KCNMB2: variants seen among roughly 807,000 people sequenced by gnomAD.
The protein encoded by KCNMB2 is calcium-activated potassium channel subunit beta-2.
Under a neutral mutation model 24.5 loss-of-function variants are expected in KCNMB2, and 9 were observed. The ratio of observed to expected loss-of-function variants is 0.37; its 90% confidence interval spans 0.22 to 0.64. The LOEUF (loss-of-function observed/expected upper bound fraction) is 0.64, where lower values mean the gene tolerates loss of function less well. Ranked by LOEUF, KCNMB2 falls within the 30% of genes least tolerant of loss-of-function variation. The pLI, the probability that KCNMB2 is intolerant of heterozygous loss-of-function variation, is 0.63. For missense variants in KCNMB2, 226 were observed against 284.3 expected, an observed-to-expected ratio of 0.79 and a Z score of 1.47; for synonymous variants, 109 against 104.4, an observed-to-expected ratio of 1.04 and a Z score of -0.27.
intron 1 of KCNMB2, among the ~76,000 whole-genome samples, chr3:178,574,957 A>G (rs1321694409): frequency 6.6e-6 from 1 of 152,026 alleles, no homozygotes; most frequent in Non-Finnish European, 1.5e-5. Context: ...AATCCCAGCT[A>G]CTCGGGAGGC....
chr3:178,543,925 G>C (rs183141992), intron 1 of KCNMB2, among the ~76,000 whole-genome samples: 18 of 151,952 alleles, frequency 1.2e-4, no homozygotes, highest in African/African-American at 4.3e-4. Flanking sequence ...ATTCTACCAC[G>C]GTCCTTAATA....
chr3:178,799,234 C>A (rs931083771), intron 1 of KCNMB2, among the ~76,000 whole-genome samples: 8 of 152,072 alleles, frequency 5.3e-5, no homozygotes, highest in Admixed American at 4.6e-4. Context: ...AGGAAGAAGT[C>A]AAATTATCCT....
rs141996239 is a variant in KCNMB2 at position 178,697,545 on chromosome 3, T to G, written c.-67-109798T>G. Among the ~76,000 whole-genome samples the G allele has an allele frequency of 4.9e-3, 749 of 152,332 alleles. 4 individuals carry two copies. Among genetic ancestry groups the G allele is most frequent in the African/African-American group, 0.017 (706 of 41,568 alleles). On this transcript the variant is annotated intron_variant, in intron 1 of 4. Transcript: ENST00000452583. ...TTGAAGACAGCAGCCCAATGGGTCT[T>G]AGTTCTTTATCCAGCTTACCTCTCT...
At chr3:178,651,146 A>G (rs1291821117) in intron 1 of KCNMB2, among the ~76,000 whole-genome samples, 3 of 152,320 alleles carry the variant, frequency 2.0e-5, no homozygotes, top group African/African-American at 7.2e-5. Flanking sequence ...ACATGATTGT[A>G]TATTTGGAAA....
chr3:178,668,500 A>G (rs1231217332), intron 1 of KCNMB2, among the ~76,000 whole-genome samples: 1 of 152,124 alleles, frequency 6.6e-6, no homozygotes, highest in African/African-American at 2.4e-5. Context: ...CTTTAAAATT[A>G]TAACCCTAGC....
At chr3:178,546,816 T>C (rs1715789724) in intron 1 of KCNMB2, among the ~76,000 whole-genome samples, 2 of 152,226 alleles carry the variant, frequency 1.3e-5, no homozygotes, top group African/African-American at 2.4e-5. Context: ...AAGGTATCTA[T>C]GACTGCAGTG....
intron 1 of KCNMB2, among the ~76,000 whole-genome samples, chr3:178,592,267 G>A (rs996461686): frequency 2.0e-5 from 3 of 152,086 alleles, no homozygotes; most frequent in African/African-American, 7.2e-5. Flanking sequence ...TTCCTGAAAG[G>A]CATAGTTTGA....
chr3:178,626,617 G>A (rs910950901), intron 1 of KCNMB2, among the ~76,000 whole-genome samples: 3 of 152,028 alleles, frequency 2.0e-5, no homozygotes, highest in African/African-American at 7.2e-5. Context: ...AGTGGGAAGA[G>A]CCTCTTATAA....
chr3:178,813,275 A>G (rs1298353568), intron 2 of KCNMB2, among the ~76,000 whole-genome samples: 1 of 152,208 alleles, frequency 6.6e-6, no homozygotes. Context: ...ATCCCGGAAT[A>G]TAATTCCTTA....
At chr3:178,566,753 G>A (rs1201933439) in intron 1 of KCNMB2, among the ~76,000 whole-genome samples, 1 of 152,134 alleles carries the variant, frequency 6.6e-6, no homozygotes, top group Non-Finnish European at 1.5e-5. Context: ...CTCAAGTGGG[G>A]ACATTTCAGC....
At chr3:178,720,666 T>A (rs1164950104) in intron 1 of KCNMB2, among the ~76,000 whole-genome samples, 1 of 124,916 alleles carries the variant, frequency 8.0e-6, no homozygotes, top group Non-Finnish European at 1.7e-5. Context: ...TTTTAATGAT[T>A]GCCATTCTAA....
At chr3:178,630,173 C>T (rs1455483522) in intron 1 of KCNMB2, among the ~76,000 whole-genome samples, 1 of 152,160 alleles carries the variant, frequency 6.6e-6, no homozygotes, top group East Asian at 1.9e-4. Flanking sequence ...ACAGTTGAGC[C>T]ATTTCTGTTT....
At chr3:178,651,164 C>T (rs926670736) in intron 1 of KCNMB2, among the ~76,000 whole-genome samples, 2 of 152,138 alleles carry the variant, frequency 1.3e-5, no homozygotes, top group African/African-American at 2.4e-5. Context: ...AAAACCCCAT[C>T]GTCTCATCCC....
intron 4 of KCNMB2, among the ~76,000 whole-genome samples, chr3:178,835,115 T>C (rs538445100): frequency 6.6e-6 from 1 of 151,544 alleles, no homozygotes; most frequent in African/African-American, 2.4e-5. Context: ...CCTAGGTCTT[T>C]CAAGTTTCTT....
chr3:178,758,189 G>GATATATATATATATATAT (rs367970683), intron 1 of KCNMB2, among the ~76,000 whole-genome samples: 1 of 9,042 alleles, frequency 1.1e-4, no homozygotes, highest in Non-Finnish European at 2.4e-4. Context: ...TATCCAAGGG[G>GATATATATATATATATAT]ATATATATAT....
intron 1 of KCNMB2, among the ~76,000 whole-genome samples, chr3:178,796,348 C>G (rs1256840014): frequency 6.6e-6 from 1 of 152,070 alleles, no homozygotes; most frequent in African/African-American, 2.4e-5. Context: ...GACAGATTAT[C>G]CAGACAGAAA....
At chr3:178,776,211 T>C (rs1712572565) in intron 1 of KCNMB2, among the ~76,000 whole-genome samples, 1 of 152,200 alleles carries the variant, frequency 6.6e-6, no homozygotes, top group South Asian at 2.1e-4. Context: ...TATTTTATTA[T>C]ATTTCCCATA....
At chr3:178,601,226 A>G (rs1718072763) in intron 1 of KCNMB2, among the ~76,000 whole-genome samples, 1 of 152,112 alleles carries the variant, frequency 6.6e-6, no homozygotes, top group Non-Finnish European at 1.5e-5. Context: ...GGATAGCATT[A>G]GGACAAATAC....
intron 1 of KCNMB2, among the ~76,000 whole-genome samples, chr3:178,786,374 G>T (rs1311341741): frequency 2.0e-5 from 3 of 152,112 alleles, no homozygotes; most frequent in Non-Finnish European, 4.4e-5. Flanking sequence ...TCCCCTTTGG[G>T]ATGGAGTAGT....
Sources: gnomAD v4.1 joint callset for allele counts (sites outside exome capture counted in the v4.1 genomes callset) on GRCh38, gnomAD v4.1.1 for gene constraint, MANE v1.5 for transcripts, NCBI Gene and HGNC (gene_info 2026-07-23, HGNC 2026-07-21) for gene names.